Variants in SUPT3H observed in about 807,000 individuals in gnomAD.
SUPT3H encodes the protein SPT3 homolog, SAGA and STAGA complex component, also known as transcription initiation protein SPT3 homolog.
Under a neutral mutation model 44.3 loss-of-function variants are expected in SUPT3H, and 44 were observed. The ratio of observed to expected loss-of-function variants is 0.99; its 90% confidence interval spans 0.78 to 1.28. SUPT3H has a LOEUF of 1.28. SUPT3H is among the 50% of genes most tolerant of loss of function. The probability of loss-of-function intolerance (pLI) is 0.00; values close to 1 mark genes in which losing one functional copy is unlikely to be tolerated. For synonymous variants in SUPT3H, 124 were observed against 125.6 expected, an observed-to-expected ratio of 0.99 and a Z score of 0.09; for missense variants, 380 against 387.1, an observed-to-expected ratio of 0.98 and a Z score of 0.15.
At chr6:44,985,163 AC>A (rs1304540431) in intron 6 of SUPT3H, among the ~76,000 whole-genome samples, 1 of 149,822 alleles carries the variant, frequency 6.7e-6, no homozygotes, top group African/African-American at 2.5e-5. Context: ...ACAAAGCAAG[AC>A]CTCATCTCTA....
chr6:44,960,343 G>A (rs1775833293), intron 7 of SUPT3H, among the ~76,000 whole-genome samples: 1 of 150,412 alleles, frequency 6.6e-6, no homozygotes, highest in South Asian at 2.1e-4. Flanking sequence ...AGGAGGAGGA[G>A]GAGGAGGAGG....
chr6:45,119,020 A>T lies in SUPT3H; in HGVS notation c.102-13014T>A, dbSNP rs1215257783. 2.6e-5 allele frequency among the ~76,000 whole-genome samples: 4 copies of T among 152,198 alleles called. No individual in the cohort carries two copies. The East Asian group carries it at 7.7e-4, about 29-fold the overall frequency. On this transcript the variant is annotated intron_variant, in intron 2 of 10. Transcript: ENST00000371459. Reference sequence around the variant, plus strand: ...CCAGTTATCGTAGTTGAGTTATCATAGATCAGCTGGCAGTCAGCTGACCCT... The same window carrying T: ...CCAGTTATCGTAGTTGAGTTATCATTGATCAGCTGGCAGTCAGCTGACCCT...
chr6:45,193,665 G>A (rs1293429804), intron 2 of SUPT3H, among the ~76,000 whole-genome samples: 1 of 152,102 alleles, frequency 6.6e-6, no homozygotes, highest in Non-Finnish European at 1.5e-5. Context: ...GCAGTGAGCT[G>A]AGATCGTGTC....
chr6:44,897,504 G>C lies in SUPT3H; in HGVS notation c.912+35149C>G, dbSNP rs142817703. Reference sequence around the variant, plus strand: ...CTAATCTTCAGCATTTGTACTTATGGAGAAGAGATTAAAGCTCCTGACTTT... The same window carrying C: ...CTAATCTTCAGCATTTGTACTTATGCAGAAGAGATTAAAGCTCCTGACTTT... On this transcript the variant is annotated intron_variant, in intron 10 of 10. Transcript: ENST00000371459. 2.5e-3 allele frequency among the ~76,000 whole-genome samples: 381 copies of C among 152,216 alleles called. 3 individuals carry two copies. The highest frequency in any genetic ancestry group is 8.7e-3 in the African/African-American group (361 of 41,536).
At chr6:45,098,887 A>C (rs894903873) in intron 3 of SUPT3H, 2 of 545,256 alleles carry the variant, frequency 3.7e-6, no homozygotes, top group African/African-American at 3.8e-5. Flanking sequence ...GTTGATTGTC[A>C]ATGGCTGTAG....
intron 2 of SUPT3H, among the ~76,000 whole-genome samples, chr6:45,174,793 T>C (rs1811420080): frequency 6.6e-6 from 1 of 152,020 alleles, no homozygotes; most frequent in Non-Finnish European, 1.5e-5. Flanking sequence ...TAGACTAAAT[T>C]AGGTATAGAA....
chr6:45,116,182 G>A (rs576519576), intron 2 of SUPT3H, among the ~76,000 whole-genome samples: 6 of 152,206 alleles, frequency 3.9e-5, no homozygotes, highest in Middle Eastern at 3.4e-3. Flanking sequence ...ATTTAAGGAA[G>A]TTTGCCCTCA....
At chr6:45,309,779 T>C (rs1783668607) in intron 2 of SUPT3H, among the ~76,000 whole-genome samples, 1 of 150,196 alleles carries the variant, frequency 6.7e-6, no homozygotes, top group African/African-American at 2.4e-5. Flanking sequence ...ATAACAGAGT[T>C]CAAATAAGGC....
At chr6:45,191,267 A>G (rs1417493237) in intron 2 of SUPT3H, among the ~76,000 whole-genome samples, 1 of 152,136 alleles carries the variant, frequency 6.6e-6, no homozygotes, top group African/African-American at 2.4e-5. Flanking sequence ...ATGAAAAGAC[A>G]TGGAAGAACC....
chr6:45,266,028 T>C (rs1422195278), intron 2 of SUPT3H, among the ~76,000 whole-genome samples: 3 of 152,106 alleles, frequency 2.0e-5, no homozygotes, highest in Non-Finnish European at 2.9e-5. Flanking sequence ...ATTCTCATAT[T>C]ACACAGTACC....
At chr6:44,909,152 T>C (rs1562023324) in intron 10 of SUPT3H, among the ~76,000 whole-genome samples, 2 of 151,406 alleles carry the variant, frequency 1.3e-5, no homozygotes, top group Admixed American at 6.6e-5. Flanking sequence ...CGTGTGTGTG[T>C]GTGTGTGTGT....
At chr6:44,933,520 C>A (rs1770927917) in intron 9 of SUPT3H, among the ~76,000 whole-genome samples, 1 of 152,126 alleles carries the variant, frequency 6.6e-6, no homozygotes, top group Non-Finnish European at 1.5e-5. Context: ...TACATAATAT[C>A]TCGGGCCTCG....
At chr6:44,987,009 T>C (rs1252467965) in intron 6 of SUPT3H, among the ~76,000 whole-genome samples, 1 of 152,026 alleles carries the variant, frequency 6.6e-6, no homozygotes, top group African/African-American at 2.4e-5. Context: ...ACAACAGAAA[T>C]ATATTTCTCC....
intron 3 of SUPT3H, among the ~76,000 whole-genome samples, chr6:45,059,893 G>C (rs1042123489): frequency 6.6e-6 from 1 of 152,174 alleles, no homozygotes; most frequent in African/African-American, 2.4e-5. Flanking sequence ...AACAAGGGAA[G>C]TGAAGGATCT....
intron 5 of SUPT3H, among the ~76,000 whole-genome samples, chr6:45,006,730 A>G (rs544908764): frequency 6.6e-6 from 1 of 152,118 alleles, no homozygotes; most frequent in South Asian, 2.1e-4. Flanking sequence ...AAAAATTTTT[A>G]CTTCACCCCT....
chr6:45,312,692 G>C (rs891291154), intron 2 of SUPT3H, among the ~76,000 whole-genome samples: 2 of 132,890 alleles, frequency 1.5e-5, no homozygotes, highest in Non-Finnish European at 3.2e-5. Context: ...TGGGGGGGGG[G>C]GGGGACTTCA....
intron 2 of SUPT3H, among the ~76,000 whole-genome samples, chr6:45,271,623 C>T (rs552533885): frequency 8.5e-5 from 13 of 152,164 alleles, no homozygotes; most frequent in Admixed American, 8.5e-4. Context: ...TCATGGAGAA[C>T]CTTTGCTCAG....
At chr6:44,817,924 A>G (rs1767016625) in intron 11 of SUPT3H, among the ~76,000 whole-genome samples, 1 of 152,190 alleles carries the variant, frequency 6.6e-6, no homozygotes, top group African/African-American at 2.4e-5. Flanking sequence ...TAAGCTATAC[A>G]TTGTAAGCAA....
At chr6:45,003,837 G>A in intron 5 of SUPT3H, 45 bp from the exon 6 acceptor site, 5 of 1,600,318 alleles carry the variant, frequency 3.1e-6, no homozygotes, top group Non-Finnish European at 4.3e-6. Context: ...TTCTCAATAG[G>A]TTTACATCAG....
Sources: gnomAD v4.1 joint callset for allele counts (sites outside exome capture counted in the v4.1 genomes callset) on GRCh38, gnomAD v4.1.1 for gene constraint, MANE v1.5 for transcripts, NCBI Gene and HGNC (gene_info 2026-07-23, HGNC 2026-07-21) for gene names.